Variants in LARP4B observed in about 807,000 individuals in gnomAD.
The protein encoded by LARP4B is la-related protein 4B.
Under a neutral mutation model 89.8 loss-of-function variants are expected in LARP4B, and 12 were observed. The ratio of observed to expected loss-of-function variants is 0.13; its 90% CI spans 0.09 to 0.22. The LOEUF is 0.22. Ranked by LOEUF, LARP4B falls within the 10% of genes least tolerant of loss-of-function variation. LARP4B has a pLI of 1.00. For synonymous variants in LARP4B, 367 were observed against 363.3 expected (o/e 1.01, Z -0.12); for missense variants, 757 against 947.7 (o/e 0.80, Z 2.64).
At chr10:963,330 G>C in the LARP4B span, among the ~76,000 whole-genome samples, 1 of 152,148 alleles carries the variant, frequency 6.6e-6, no homozygotes, top group Non-Finnish European at 1.5e-5. Context: ...CTTCTTTCTT[G>C]GTTCATTTTC....
intron 13 of LARP4B, among the ~76,000 whole-genome samples, chr10:821,403 C>G (rs1832344680): frequency 6.6e-6 from 1 of 152,236 alleles, no homozygotes; most frequent in African/African-American, 2.4e-5. Context: ...GCCTCCCAGC[C>G]TCAGGAACCA....
intron 5 of LARP4B, among the ~76,000 whole-genome samples, chr10:856,619 G>C (rs142155146): frequency 1.1e-4 from 16 of 152,334 alleles, no homozygotes; most frequent in Middle Eastern, 3.4e-3. Context: ...CCAAGTCTGA[G>C]AGTTAAAAAC....
upstream of LARP4B, chr10:932,931 C>T (rs988072108): frequency 9.8e-5 from 15 of 152,396 alleles, no homozygotes; most frequent in African/African-American, 2.7e-4. Context: ...ACCAAAAGGC[C>T]CCGGCCCCAC....
intron 1 of LARP4B, among the ~76,000 whole-genome samples, chr10:901,976 C>T (rs935589605): frequency 6.6e-6 from 1 of 152,214 alleles, no homozygotes; most frequent in African/African-American, 2.4e-5. Context: ...CTTTCAAAAT[C>T]TTCCTGATTT....
the LARP4B span, among the ~76,000 whole-genome samples, chr10:960,520 A>G: frequency 3.9e-5 from 6 of 151,962 alleles, no homozygotes; most frequent in African/African-American, 7.3e-5. Flanking sequence ...CAGCTTGTCC[A>G]ACGTGGTGAA....
At chr10:849,223 G>A (rs960186261) in intron 5 of LARP4B, among the ~76,000 whole-genome samples, 2 of 152,130 alleles carry the variant, frequency 1.3e-5, no homozygotes, top group East Asian at 1.9e-4. Context: ...AACAGAACAC[G>A]TCTAGCACTC....
the LARP4B span, among the ~76,000 whole-genome samples, chr10:959,950 TCG>T: frequency 1.4e-5 from 2 of 147,112 alleles, no homozygotes; most frequent in Admixed American, 6.7e-5. Context: ...TCCCACCTCC[TCG>T]TCAATCCCAC....
At chr10:861,087 C>T (rs965276224) in intron 5 of LARP4B, among the ~76,000 whole-genome samples, 2 of 151,918 alleles carry the variant, frequency 1.3e-5, no homozygotes, top group Non-Finnish European at 2.9e-5. Context: ...ACCCGGGAGG[C>T]GGAGGTTGCA....
chr10:851,788 GACGC>G (rs2131780393), intron 5 of LARP4B, among the ~76,000 whole-genome samples: 1 of 152,160 alleles, frequency 6.6e-6, no homozygotes, highest in East Asian at 1.9e-4. Context: ...GCCCAGGTGG[GACGC>G]AGTGGCTCAT....
intron 5 of LARP4B, among the ~76,000 whole-genome samples, chr10:861,112 C>T (rs984091207): frequency 6.6e-6 from 1 of 152,076 alleles, no homozygotes; most frequent in Non-Finnish European, 1.5e-5. Context: ...GCCGAGATCA[C>T]GCCACTGCAT....
the LARP4B span, among the ~76,000 whole-genome samples, chr10:964,215 C>G: frequency 6.6e-6 from 1 of 152,002 alleles, no homozygotes; most frequent in Non-Finnish European, 1.5e-5. Context: ...TACAGGCGCC[C>G]GCCACCACGC....
intron 5 of LARP4B, among the ~76,000 whole-genome samples, chr10:859,997 A>G (rs1348799931): frequency 6.6e-6 from 1 of 151,950 alleles, no homozygotes; most frequent in Non-Finnish European, 1.5e-5. Flanking sequence ...GTACAACACC[A>G]AGAGTGAGCC....
intron 5 of LARP4B, among the ~76,000 whole-genome samples, chr10:856,630 T>C (rs1834315595): frequency 6.6e-6 from 1 of 152,194 alleles, no homozygotes; most frequent in Non-Finnish European, 1.5e-5. Flanking sequence ...AGTTAAAAAC[T>C]GCAGGGAGTC....
chr10:868,056 C>T (rs1297123411), intron 3 of LARP4B, among the ~76,000 whole-genome samples: 3 of 151,836 alleles, frequency 2.0e-5, no homozygotes, highest in East Asian at 3.9e-4. Flanking sequence ...CCATCCTGTG[C>T]GAAACAATAT....
At chr10:847,460 T>C (rs530713559) in intron 5 of LARP4B, among the ~76,000 whole-genome samples, 1 of 151,770 alleles carries the variant, frequency 6.6e-6, no homozygotes, top group East Asian at 1.9e-4. Context: ...GAAATGACAG[T>C]TTTCCAGATG....
chr10:931,236 C>T (rs1430246389), intron 1 of LARP4B, among the ~76,000 whole-genome samples, 192 bp downstream of exon 1: 1 of 149,688 alleles, frequency 6.7e-6, no homozygotes, highest in Non-Finnish European at 1.5e-5. Flanking sequence ...CCTGGCCCTT[C>T]CCGTGCCCTA....
intron 1 of LARP4B, among the ~76,000 whole-genome samples, chr10:930,969 C>A (rs1830572720): frequency 6.7e-6 from 1 of 150,136 alleles, no homozygotes; most frequent in African/African-American, 2.4e-5. Flanking sequence ...GCGACCCCGG[C>A]CCCGCCCAGG....
the LARP4B span, among the ~76,000 whole-genome samples, chr10:943,196 C>T: frequency 6.6e-6 from 1 of 152,116 alleles, no homozygotes; most frequent in East Asian, 1.9e-4. Flanking sequence ...ATCTGCCTAC[C>T]TCGGCCTTCC....
At chr10:927,883 A>G (rs1837189213) in intron 1 of LARP4B, among the ~76,000 whole-genome samples, 1 of 152,218 alleles carries the variant, frequency 6.6e-6, no homozygotes, top group South Asian at 2.1e-4. Flanking sequence ...AGAATCTATA[A>G]GAGTACTGTA....
Sources: gnomAD v4.1 joint callset for allele counts (sites outside exome capture counted in the v4.1 genomes callset) on GRCh38, gnomAD v4.1.1 for gene constraint, MANE v1.5 for transcripts, NCBI Gene and HGNC (gene_info 2026-07-23, HGNC 2026-07-21) for gene names.